Variants in PAX3 observed in about 807,000 individuals in gnomAD.
PAX3 encodes the protein paired box protein Pax-3.
In PAX3, 14 loss-of-function variants were observed where a neutral mutation model predicts 51.6. The ratio of observed to expected loss-of-function variants is 0.27; its 90% CI spans 0.18 to 0.42. PAX3 has a LOEUF of 0.42. Ranked by LOEUF, PAX3 falls within the 10% of genes least tolerant of loss-of-function variation. The pLI, the probability that PAX3 is intolerant of heterozygous loss-of-function variation, is 1.00. For synonymous variants in PAX3, 280 were observed against 253.4 expected, an observed-to-expected ratio of 1.11 and a Z score of -1.00; for missense variants, 540 against 642.8, an observed-to-expected ratio of 0.84 and a Z score of 1.73.
chr2:222,293,838 A>G (rs1695139499), intron 4 of PAX3: 1 of 1,613,328 alleles, frequency 6.2e-7, no homozygotes, highest in Admixed American at 1.7e-5. Context: ...AGAGATGCCC[A>G]GTCTCATACA....
intron 4 of PAX3, among the ~76,000 whole-genome samples, chr2:222,235,380 CT>C (rs1692762475): frequency 6.6e-6 from 1 of 152,164 alleles, no homozygotes; most frequent in Non-Finnish European, 1.5e-5. Context: ...TGCTCCAACA[CT>C]GATTTATTTG....
intron 4 of PAX3, among the ~76,000 whole-genome samples, chr2:222,281,210 C>T (rs1355812742): frequency 2.0e-5 from 3 of 152,202 alleles, no homozygotes; most frequent in Non-Finnish European, 4.4e-5. Flanking sequence ...ATTTGCTCAA[C>T]TTGAAATTGA....
chr2:222,268,494 C>T (rs1694134513), intron 4 of PAX3, among the ~76,000 whole-genome samples: 2 of 152,044 alleles, frequency 1.3e-5, no homozygotes, highest in Admixed American at 1.3e-4. Flanking sequence ...ATATGCAACT[C>T]GCTGTGGCTA....
intron 5 of PAX3, 50 bp from the exon 6 acceptor site, chr2:222,221,437 C>T (rs1008015167): frequency 2.6e-6 from 4 of 1,514,494 alleles, no homozygotes; most frequent in East Asian, 2.3e-5. Flanking sequence ...AATAATAGTA[C>T]ATTCTTAATG....
chr2:222,237,380 A>G (rs1692841367), intron 4 of PAX3, among the ~76,000 whole-genome samples: 1 of 150,600 alleles, frequency 6.6e-6, no homozygotes. Flanking sequence ...AAGAGGAATA[A>G]CAGAAATGAA....
intron 4 of PAX3, chr2:222,263,813 T>G (rs76516459): frequency 1.7e-3 from 263 of 151,986 alleles, no homozygotes; most frequent in African/African-American, 6.0e-3. Context: ...TACAAAGGGG[T>G]GAAATATTGA....
chr2:222,218,987 C>T (rs1328470283), intron 7 of PAX3, among the ~76,000 whole-genome samples: 1 of 152,172 alleles, frequency 6.6e-6, no homozygotes, highest in East Asian at 1.9e-4. Context: ...TTATCACTGT[C>T]TTGCAGAGCC....
At chr2:222,225,679 C>T (rs557854611) in intron 5 of PAX3, among the ~76,000 whole-genome samples, 5 of 152,046 alleles carry the variant, frequency 3.3e-5, no homozygotes, top group East Asian at 1.9e-4. Flanking sequence ...ATGTGCTAAA[C>T]GGGGAATATA....
intron 4 of PAX3, among the ~76,000 whole-genome samples, chr2:222,266,397 T>C (rs1316477532): frequency 6.6e-6 from 1 of 152,236 alleles, no homozygotes; most frequent in African/African-American, 2.4e-5. Context: ...ATCACAATTT[T>C]ATAAGGCAAA....
At position 222,220,226 on chromosome 2, in the gene PAX3, A is replaced by C. The variant is rs1574646119; in HGVS notation, c.1087T>G (p.Phe363Val). Residue 363 changes from phenylalanine to valine, a missense_variant, in exon 7 of 9, where the codon TTT (phenylalanine) becomes GTT (valine). Coordinates refer to ENST00000392070, the MANE Select transcript of PAX3 (RefSeq NM_181458.4). The stretch of plus-strand genomic sequence containing the variant: ...ACAAAGCTGTCTGTATAGCTGGAAA[A>C]TCCATGCCTGGTGCTGGGGAGGCAG... ...AYCLPSTRHG[F>V]SSYTDSFVPP... is the part of the protein sequence containing the mutation. The C allele has an allele frequency of 6.2e-7, 1 of 1,613,946 alleles. No homozygotes were observed. The highest frequency in any genetic ancestry group is 2.2e-5 in the East Asian group (1 of 44,826).
At chr2:222,203,401 A>C (rs1691384133) in intron 7 of PAX3, among the ~76,000 whole-genome samples, 2 of 152,218 alleles carry the variant, frequency 1.3e-5, no homozygotes, top group Admixed American at 6.5e-5. Context: ...ATCTACTTAC[A>C]AAGTATTTAA....
In PAX3 at chr2:222,223,309, C is replaced by T. The variant is rs186788646; in HGVS notation, c.793-1922G>A. ...ACTCCTTAAGTTTCCAACAGGAAAA[C>T]GAGGTAAGTTAATATTTTCCCATGT... On this transcript the variant is annotated intron_variant, in intron 5 of 8. Coordinates refer to ENST00000392070, the MANE Select transcript of PAX3 (RefSeq NM_181458.4). Among the ~76,000 whole-genome samples the T allele has an allele frequency of 6.6e-4, 100 of 152,210 alleles. 1 individual carries two copies. Among genetic ancestry groups the T allele is most frequent in the Non-Finnish European group, 7.9e-4 (54 of 68,006 alleles).
chr2:222,253,756 TC>T (rs1181415766), intron 4 of PAX3, among the ~76,000 whole-genome samples: 1 of 152,036 alleles, frequency 6.6e-6, no homozygotes, highest in African/African-American at 2.4e-5. Flanking sequence ...GCTCAAGTGA[TC>T]CTCCCACCTC....
intron 4 of PAX3, among the ~76,000 whole-genome samples, chr2:222,251,619 A>G (rs562231340): frequency 2.0e-5 from 3 of 152,316 alleles, no homozygotes; most frequent in South Asian, 2.1e-4. Flanking sequence ...CTTTGGGTAT[A>G]TACTCAGTAA....
chr2:222,264,792 C>T (rs575563949), intron 4 of PAX3: 20 of 152,338 alleles, frequency 1.3e-4, no homozygotes, highest in African/African-American at 4.8e-4. Flanking sequence ...TCACTCGCAG[C>T]TTTTGCCTTT....
Position 222,231,990 on chromosome 2 carries a change from G to C in PAX3, c.792+88C>G, listed in dbSNP as rs1965791. On this transcript the variant is annotated intron_variant, in intron 5 of 8. Transcript: ENST00000392070. ...AGGGCCATTCCTAATACATTTTTGG[G>C]GGGGATTGACATATGTTTTAGATGA... 0.8 allele frequency: 967,324 copies of C among 1,208,638 alleles called. 395,079 individuals are homozygous for C. The highest frequency in any genetic ancestry group is 0.85 in the Non-Finnish European group (693,123 of 814,640). The allele number at this position is 1,208,638 out of a possible 1,614,324, so 74.9% of individuals were successfully genotyped here.
intron 7 of PAX3, among the ~76,000 whole-genome samples, chr2:222,211,911 C>T (rs1409804968): frequency 6.6e-6 from 1 of 152,200 alleles, no homozygotes; most frequent in Admixed American, 6.5e-5. Context: ...TCTCACACCA[C>T]TGTTCTACAG....
At chr2:222,293,742 G>C in intron 4 of PAX3, 3 of 1,614,156 alleles carry the variant, frequency 1.9e-6, no homozygotes, top group Non-Finnish European at 2.5e-6. Context: ...GGAAACTCCG[G>C]AGACCAGGGC....
intron 4 of PAX3, among the ~76,000 whole-genome samples, chr2:222,269,145 T>G (rs994495449): frequency 3.3e-5 from 5 of 152,240 alleles, no homozygotes; most frequent in African/African-American, 7.2e-5. Flanking sequence ...TTCATTTTGT[T>G]GCTATTTGCA....
Sources: allele counts gnomAD v4.1 joint callset (sites outside exome capture counted in the v4.1 genomes callset), GRCh38; gene constraint gnomAD v4.1.1; transcripts MANE v1.5; gene names NCBI Gene and HGNC (gene_info 2026-07-23, HGNC 2026-07-21).